The following BMP7 variants were observed in gnomAD, a reference collection of about 807,000 sequenced individuals.
BMP7 encodes bone morphogenetic protein 7.
Under a neutral mutation model 41.2 loss-of-function variants are expected in BMP7, and 12 were observed. The observed-to-expected ratio is 0.29, with a 90% CI of 0.19 to 0.47. The LOEUF is 0.47. Among genes scored for constraint, BMP7 ranks in the 20% least tolerant of loss-of-function variants. The probability of loss-of-function intolerance (pLI) is 0.99; values close to 1 mark genes in which losing one functional copy is unlikely to be tolerated. For synonymous variants in BMP7, 248 were observed against 250.0 expected (o/e 0.99, Z 0.07); for missense variants, 467 against 606.0 (o/e 0.77, Z 2.41).
At chr20:57,219,395 TC>T (rs564138542) in intron 2 of BMP7, among the ~76,000 whole-genome samples, 543 of 22,664 alleles carry the variant, frequency 0.024, 2 homozygotes, top group Middle Eastern at 0.062. Flanking sequence ...GTACTTGACA[TC>T]CCTCCCTCCC....
intron 1 of BMP7, among the ~76,000 whole-genome samples, chr20:57,235,308 A>T (rs1455191073): frequency 1.3e-5 from 2 of 152,192 alleles, no homozygotes; most frequent in African/African-American, 4.8e-5. Flanking sequence ...AGTTTGAGAC[A>T]AGCTGTGCTG....
At chr20:57,246,055 G>A (rs928888446) in intron 1 of BMP7, among the ~76,000 whole-genome samples, 3 of 152,116 alleles carry the variant, frequency 2.0e-5, no homozygotes, top group South Asian at 2.1e-4. Flanking sequence ...GTACAAGTAC[G>A]AGGGGGTTCT....
chr20:57,234,004 G>C (rs2066038387), intron 1 of BMP7, among the ~76,000 whole-genome samples: 1 of 152,228 alleles, frequency 6.6e-6, no homozygotes, highest in Non-Finnish European at 1.5e-5. Flanking sequence ...GCTGGGCATA[G>C]CTCATCAGGA....
intron 1 of BMP7, among the ~76,000 whole-genome samples, chr20:57,229,931 G>A (rs139814344): frequency 3.3e-5 from 5 of 152,304 alleles, no homozygotes; most frequent in South Asian, 2.1e-4. Context: ...AGAGCAGGGT[G>A]AGGGCAGGAA....
At chr20:57,189,380 T>G (rs1984297450) in intron 3 of BMP7, among the ~76,000 whole-genome samples, 1 of 152,278 alleles carries the variant, frequency 6.6e-6, no homozygotes, top group South Asian at 2.1e-4. Flanking sequence ...CAAGGCCCGG[T>G]GCAAAATGAA....
In BMP7 at chr20:57,168,948, G is replaced by C. The variant is rs571534549; in HGVS notation, c.*2011C>G. 13 of 151,512 alleles carry C rather than the reference G, an allele frequency of 8.6e-5. No individual in the cohort carries two copies. The East Asian group carries it at 1.6e-3, about 18-fold the overall frequency. The allele number at this position is 151,512 out of a possible 1,614,324, so 9.4% of individuals were successfully genotyped here. ...ATCGTCCTGAACGAGGGATTAAAGG[G>C]GGGGGGGTGTTCAAAAGAGCTTTGG... On this transcript the variant is annotated 3_prime_UTR_variant, in exon 7 of 7. Coordinates refer to ENST00000395863, the MANE Select transcript of BMP7 (RefSeq NM_001719.3).
intron 1 of BMP7, among the ~76,000 whole-genome samples, chr20:57,233,028 GA>G (rs2066034979): frequency 6.6e-6 from 1 of 152,136 alleles, no homozygotes; most frequent in African/African-American, 2.4e-5. Flanking sequence ...CAAGATAATT[GA>G]ATTGTTACCA....
At chr20:57,257,233 T>A (rs1266093918) in intron 1 of BMP7, among the ~76,000 whole-genome samples, 9 of 152,190 alleles carry the variant, frequency 5.9e-5, no homozygotes, top group Admixed American at 5.2e-4. Flanking sequence ...TAACTTCATT[T>A]ATACTGACCA....
At chr20:57,247,009 C>A (rs1178775632) in intron 1 of BMP7, among the ~76,000 whole-genome samples, 3 of 151,826 alleles carry the variant, frequency 2.0e-5, no homozygotes, top group Non-Finnish European at 4.4e-5. Flanking sequence ...CAAAAGAGGA[C>A]AAAGGGTGCT....
intron 2 of BMP7, among the ~76,000 whole-genome samples, chr20:57,227,035 C>A (rs553102036): frequency 2.0e-5 from 3 of 152,246 alleles, no homozygotes; most frequent in Non-Finnish European, 4.4e-5. Flanking sequence ...CCGTGTTGGC[C>A]AGGCTGGTCT....
chr20:57,229,132 G>T (rs910901703), intron 1 of BMP7, among the ~76,000 whole-genome samples: 4 of 152,180 alleles, frequency 2.6e-5, no homozygotes, highest in Admixed American at 2.6e-4. Flanking sequence ...TGTAAATACT[G>T]CCATCTTGGC....
intron 1 of BMP7, among the ~76,000 whole-genome samples, chr20:57,231,305 C>T (rs1484096998): frequency 6.6e-6 from 1 of 152,244 alleles, no homozygotes; most frequent in Non-Finnish European, 1.5e-5. Flanking sequence ...ATCCATTCTA[C>T]AGTTCATAGG....
chr20:57,236,843 C>T (rs747722558), intron 1 of BMP7, among the ~76,000 whole-genome samples: 4 of 152,192 alleles, frequency 2.6e-5, no homozygotes, highest in East Asian at 1.9e-4. Context: ...AAAGGGGAAC[C>T]GTCAGCCCAG....
intron 3 of BMP7, among the ~76,000 whole-genome samples, chr20:57,190,802 TGCTCCTGCACAGAAGCCA>T (rs1394039246): frequency 6.6e-6 from 1 of 152,152 alleles, no homozygotes; most frequent in Admixed American, 6.5e-5. Flanking sequence ...CTGCACCCAC[TGCTCCTGCACAGAAGCCA>T]GCTTTAACGC....
At position 57,174,990 on chromosome 20, in the gene BMP7, G is replaced by T; in HGVS notation, c.976C>A (p.Gln326Lys). The T allele has an allele frequency of 6.2e-7, 1 of 1,611,758 alleles. No homozygotes were observed. Among genetic ancestry groups the T allele is most frequent in the Non-Finnish European group, 8.5e-7 (1 of 1,179,888 alleles). ...ANVAENSSSD[Q>K]RQACKKHELY... is the part of the protein sequence containing the mutation. ...TCGTGCTTCTTACAGGCCTGCCTCT[G>T]GTCGCTGCTGCTGTTCTCTGCATTG... Residue 326 changes from glutamine (Q) to lysine (K), a missense_variant, in exon 5 of 7, where the codon CAG becomes AAG. Physicochemically the swap from Gln to Lys is moderately conservative, Grantham distance 53. Coordinates refer to ENST00000395863, the MANE Select transcript of BMP7 (RefSeq NM_001719.3). This position sits in a 1 kb window ranked among gnomAD's most constrained non-coding sequence, Gnocchi z 4.3.
At chr20:57,245,643 T>C (rs1266347183) in intron 1 of BMP7, among the ~76,000 whole-genome samples, 1 of 149,396 alleles carries the variant, frequency 6.7e-6, no homozygotes, top group Non-Finnish European at 1.5e-5. Context: ...TGATTTTTTT[T>C]TTTTTTTTTT....
chr20:57,247,160 T>C (rs1411953464), intron 1 of BMP7, among the ~76,000 whole-genome samples: 1 of 152,168 alleles, frequency 6.6e-6, no homozygotes, highest in Non-Finnish European at 1.5e-5. Flanking sequence ...AGCAACTGTG[T>C]TGATGCAGCC....
At chr20:57,216,516 T>TCTCCTGAGGGCGAGGGGGCTGG in intron 2 of BMP7, among the ~76,000 whole-genome samples, 1 of 148,920 alleles carries the variant, frequency 6.7e-6, no homozygotes, top group African/African-American at 2.5e-5. Flanking sequence ...GAGGGGGCTG[T>TCTCCTGAGGGCGAGGGGGCTGG]CTCCTGAGGG....
intron 2 of BMP7, among the ~76,000 whole-genome samples, chr20:57,223,688 A>T (rs147200036): frequency 2.0e-5 from 3 of 152,340 alleles, no homozygotes; most frequent in Non-Finnish European, 4.4e-5. Context: ...AAGGCATGAA[A>T]CAAAGCTGAA....
Sources: allele counts gnomAD v4.1 joint callset (sites outside exome capture counted in the v4.1 genomes callset), GRCh38; gene constraint gnomAD v4.1.1; non-coding constraint Gnocchi (gnomAD v3.1); transcripts MANE v1.5; gene names NCBI Gene and HGNC (gene_info 2026-07-23, HGNC 2026-07-21).